Variants in SELPLG observed in about 807,000 individuals in gnomAD.
SELPLG encodes P-selectin glycoprotein ligand 1.
Under a neutral mutation model 1.1 loss-of-function variants are expected in SELPLG, and 2 were observed. That is an observed-to-expected ratio of 1.82 (90% CI 0.74 to 5.71). SELPLG has a LOEUF of 5.71. Among genes scored for constraint, SELPLG ranks in the 30% most tolerant of loss-of-function variants. The pLI, the probability that SELPLG is intolerant of heterozygous loss-of-function variation, is 0.05. For missense variants in SELPLG, 478 were observed against 524.7 expected (o/e 0.91, Z 0.87); for synonymous variants, 230 against 221.2 (o/e 1.04, Z -0.35).
At chr12:108,630,371 G>A (rs1190360097) in intron 1 of SELPLG, among the ~76,000 whole-genome samples, 1 of 152,232 alleles carries the variant, frequency 6.6e-6, no homozygotes, top group East Asian at 1.9e-4. Context: ...CACGCCGCTA[G>A]GAACCTTGCA....
rs184897509 is a variant in SELPLG, at chr12:108,627,487, G to A, written c.-5-3175C>T. The stretch of plus-strand genomic sequence containing the variant: ...GCATAGATGTGGGGTCAGACAAAAA[G>A]GATGTTCAAGTCCTAGCTCTGTCCC... On this transcript the variant is annotated intron_variant, in intron 1 of 1. Transcript: ENST00000550948. Among the ~76,000 whole-genome samples the A allele has an allele frequency of 9.3e-4, 141 of 152,366 alleles. 1 individual carries two copies. The highest frequency in any genetic ancestry group is 3.3e-3 in the African/African-American group (139 of 41,586).
Position 108,632,123 on chromosome 12 carries a change from C to G in SELPLG, c.-6+1617G>C, listed in dbSNP as rs2032068885. The G allele has an allele frequency of 1.2e-5, 7 of 594,516 alleles. No individual in the cohort carries two copies. The South Asian group carries it at 1.4e-4, about 12-fold the overall frequency. The allele number at this position is 594,516 out of a possible 1,614,324, so 36.8% of individuals were successfully genotyped here. A position where few individuals can be genotyped will look rare whatever the true frequency, so the allele number is the denominator to read the frequency against. ...ATGCCCCACTCTGGGCCCAGCCTAG[C>G]AACCCAGCCCTTCCGCTCTCTGAGG... On this transcript the variant is annotated intron_variant, in intron 1 of 1. Coordinates refer to ENST00000550948, the MANE Select transcript of SELPLG (RefSeq NM_003006.4).
chr12:108,624,491 T>C (rs1592818538), intron 1 of SELPLG, among the ~76,000 whole-genome samples, 179 bp from the exon 2 acceptor site: 1 of 152,072 alleles, frequency 6.6e-6, no homozygotes, highest in East Asian at 1.9e-4. Context: ...CCAGTAGCAG[T>C]TATTATTATT....
chr12:108,625,532 C>T (rs1319035807), intron 1 of SELPLG, among the ~76,000 whole-genome samples: 1 of 152,212 alleles, frequency 6.6e-6, no homozygotes, highest in Non-Finnish European at 1.5e-5. Context: ...CCCAGGGCTA[C>T]TTAATTACAC....
intron 1 of SELPLG, among the ~76,000 whole-genome samples, chr12:108,627,456 T>G (rs2031956327): frequency 6.6e-6 from 1 of 152,136 alleles, no homozygotes; most frequent in South Asian, 2.1e-4. Context: ...GGGCATAGGG[T>G]TGAAAGCATA....
intron 1 of SELPLG, among the ~76,000 whole-genome samples, chr12:108,628,318 A>AACACAC (rs57432345): frequency 0.076 from 10,698 of 140,104 alleles, 441 homozygotes; most frequent in Admixed American, 0.091. Flanking sequence ...TAATAAATGT[A>AACACAC]ACACACACAC....
At chr12:108,625,910 A>G (rs1200969152) in intron 1 of SELPLG, among the ~76,000 whole-genome samples, 1 of 152,160 alleles carries the variant, frequency 6.6e-6, no homozygotes, top group Non-Finnish European at 1.5e-5. Context: ...AGCAGCACAC[A>G]ACTTTTAGAA....
rs773408260 is a variant in SELPLG, at chr12:108,623,942, C to T, written c.366G>A (p.Gln122=). 1.9e-6 allele frequency: 3 copies of T among 1,614,078 alleles called. No homozygotes were observed. The highest frequency in any genetic ancestry group is 2.5e-6 in the Non-Finnish European group (3 of 1,179,992). ...LSTDSAAMEI[Q]TTQPAATEAQ... ...CCTCCGTGGCTGCTGGTTGAGTGGT[C>T]TGTATCTCCATAGCTGCTGAATCCG... is the stretch of plus-strand genomic sequence containing the variant. The change falls in exon 2 of 2, where the codon CAG becomes CAA. Residue 122 remains glutamine, a synonymous_variant. Transcript: ENST00000550948.
intron 1 of SELPLG, among the ~76,000 whole-genome samples, chr12:108,626,007 G>A (rs1283406415): frequency 6.6e-6 from 1 of 152,072 alleles, no homozygotes; most frequent in Non-Finnish European, 1.5e-5. Context: ...ATGATTTGGA[G>A]GAACGAACAG....
rs531747175 is a variant in SELPLG at position 108,631,132 on chromosome 12, G to A, written c.-6+2608C>T. Among the ~76,000 whole-genome samples the A allele has an allele frequency of 3.3e-5, 5 of 152,206 alleles. No individual in the cohort carries two copies. The South Asian group carries it at 8.3e-4, about 25-fold the overall frequency. On this transcript the variant is annotated intron_variant, in intron 1 of 1. Transcript: ENST00000550948. ...TGCACAGAACTGCACAGCACGTGCTGTCTTCACACTTTTCACACCACATTT... is the reference window on the plus strand; with the variant it reads ...TGCACAGAACTGCACAGCACGTGCTATCTTCACACTTTTCACACCACATTT...
In SELPLG at chr12:108,622,805, T is replaced by C; in HGVS notation, c.*264A>G. 1 of 442,948 alleles carries C rather than the reference T, an allele frequency of 2.3e-6. No homozygotes were observed. Among genetic ancestry groups the C allele is most frequent in the East Asian group, 3.3e-5 (1 of 29,954 alleles). 27.4% of individuals were successfully genotyped at this position (442,948 alleles called of 1,614,324 possible). ...GAAAAAGGAGAGAATCTGTCTCAAG[T>C]AAATGGCCTCCTGCCTTGGACCTCG... On this transcript the variant is annotated 3_prime_UTR_variant, in exon 2 of 2. Coordinates refer to ENST00000550948, the MANE Select transcript of SELPLG (RefSeq NM_003006.4).
chr12:108,625,163 C>T (rs1235096532), intron 1 of SELPLG, among the ~76,000 whole-genome samples: 2 of 152,172 alleles, frequency 1.3e-5, no homozygotes, highest in Non-Finnish European at 2.9e-5. Context: ...ACCTTTGAGG[C>T]CTCTTGGAGT....
In SELPLG at chr12:108,631,933, GAC is replaced by G. The variant is rs1565890891; in HGVS notation, c.-6+1805_-6+1806del. On this transcript the variant is annotated intron_variant, in intron 1 of 1. Transcript: ENST00000550948. ...GTTCAAGTTCAGCAAAGGAAGCCGA[GAC>G]ACAGGCCTAGGGTCACCACGAACTC... 9 of 1,535,538 alleles carry G rather than the reference GAC, an allele frequency of 5.9e-6. No individual in the cohort carries two copies. In the South Asian group the frequency reaches 9.5e-5, roughly 16 times the overall value.
chr12:108,623,351 C>T lies in SELPLG; in HGVS notation c.957G>A (p.Gln319=), dbSNP rs1215424489. 1 of 1,614,156 alleles carries T rather than the reference C, an allele frequency of 6.2e-7. No homozygotes were observed. Among genetic ancestry groups the T allele is most frequent in the African/African-American group, 1.3e-5 (1 of 74,948 alleles). Residue 319 remains glutamine (Q), a synonymous_variant, in exon 2 of 2, where the codon CAG becomes CAA. Transcript: ENST00000550948. ...VGAPDHISVK[Q]CLLAILILAL... Reference sequence around the variant, plus strand: ...CCAAGATTAGGATGGCCAGCAGGCACTGCTTCACAGAGATGTGGTCTGGGG... The same window carrying T: ...CCAAGATTAGGATGGCCAGCAGGCATTGCTTCACAGAGATGTGGTCTGGGG...
At chr12:108,624,706 T>G (rs2136762923) in intron 1 of SELPLG, among the ~76,000 whole-genome samples, 1 of 151,304 alleles carries the variant, frequency 6.6e-6, no homozygotes, top group East Asian at 1.9e-4. Context: ...TTTTTTTTTT[T>G]TTAGATGGAG....
At chr12:108,624,754 A>G (rs1241940677) in intron 1 of SELPLG, among the ~76,000 whole-genome samples, 1 of 140,644 alleles carries the variant, frequency 7.1e-6, no homozygotes. Context: ...CAGTGGCGCT[A>G]TCTCAGCTCA....
chr12:108,632,141 C>A (rs1037600526), intron 1 of SELPLG: 5 of 565,362 alleles, frequency 8.8e-6, no homozygotes, highest in Non-Finnish European at 1.6e-5. Flanking sequence ...CCCTTCCGCT[C>A]TCTGAGGTTT....
At position 108,623,363 on chromosome 12, in the gene SELPLG, G is replaced by C; in HGVS notation, c.945C>G (p.Ile315Met). ...VNYPVGAPDH[I>M]SVKQCLLAIL... ...TGGCCAGCAGGCACTGCTTCACAGAGATGTGGTCTGGGGCCCCCACTGGGT... is the reference window on the plus strand; with the variant it reads ...TGGCCAGCAGGCACTGCTTCACAGACATGTGGTCTGGGGCCCCCACTGGGT... The change falls in exon 2 of 2, where the codon ATC (isoleucine) becomes ATG (methionine). Residue 315 changes from isoleucine to methionine, a missense_variant. Coordinates refer to ENST00000550948, the MANE Select transcript of SELPLG (RefSeq NM_003006.4). 6.2e-7 allele frequency: 1 copy of C among 1,614,284 alleles called. No homozygotes were observed. The highest frequency in any genetic ancestry group is 1.1e-5 in the South Asian group (1 of 91,088).
intron 1 of SELPLG, among the ~76,000 whole-genome samples, chr12:108,629,227 T>G (rs2032000819): frequency 6.6e-6 from 1 of 152,184 alleles, no homozygotes; most frequent in African/African-American, 2.4e-5. Flanking sequence ...AGCAACCACC[T>G]TATCCTACAT....
Sources: gnomAD v4.1 joint callset for allele counts (sites outside exome capture counted in the v4.1 genomes callset) on GRCh38, gnomAD v4.1.1 for gene constraint, MANE v1.5 for transcripts, NCBI Gene and HGNC (gene_info 2026-07-23, HGNC 2026-07-21) for gene names.